Variants in CDH20 observed in about 807,000 individuals in gnomAD.
CDH20 encodes the protein cadherin 20.
CDH20 carries 29 observed loss-of-function variants against 74.2 expected under a neutral mutation model. The ratio of observed to expected loss-of-function variants is 0.39; its 90% CI spans 0.29 to 0.53. The LOEUF is 0.53. Among genes scored for constraint, CDH20 ranks in the 20% least tolerant of loss-of-function variants. The pLI is 0.69. For missense variants in CDH20, 988 were observed against 1,048.3 expected, an observed-to-expected ratio of 0.94 and a Z score of 0.79; for synonymous variants, 469 against 405.4, an observed-to-expected ratio of 1.16 and a Z score of -1.88.
chr18:61,343,881 C>A (rs1207381190), intron 1 of CDH20, among the ~76,000 whole-genome samples: 1 of 152,096 alleles, frequency 6.6e-6, no homozygotes, highest in East Asian at 1.9e-4. Context: ...AAATGATGAG[C>A]TTCCTAATGA....
intron 1 of CDH20, among the ~76,000 whole-genome samples, chr18:61,424,981 GTTCT>G (rs765911779): frequency 1.3e-4 from 20 of 151,176 alleles, no homozygotes; most frequent in Non-Finnish European, 1.6e-4. Flanking sequence ...TACTTGATGG[GTTCT>G]TTATTTTTTT....
Position 61,373,703 on chromosome 18 carries a change from C to G in CDH20, c.-153+39876C>G, listed in dbSNP as rs538557899. ...GGCTACTTTAAAACCTGCCCAAAAC[C>G]ACTCATTTCCAGGAAATCACCACCT... On this transcript the variant is annotated intron_variant, in intron 1 of 11. Transcript: ENST00000262717. Among the ~76,000 whole-genome samples the G allele has an allele frequency of 4.6e-5, 7 of 152,186 alleles. No individual in the cohort carries two copies. In the East Asian group the frequency reaches 1.4e-3, roughly 29 times the overall value.
chr18:61,418,030 TA>T (rs1224586558), intron 1 of CDH20, among the ~76,000 whole-genome samples: 2 of 152,076 alleles, frequency 1.3e-5, no homozygotes, highest in Non-Finnish European at 2.9e-5. Context: ...ATAATCATAA[TA>T]AAAATGACAA....
At position 61,353,136 on chromosome 18, in the gene CDH20, G is replaced by A. The variant is rs1010226102; in HGVS notation, c.-153+19309G>A. Among the ~76,000 whole-genome samples the A allele has an allele frequency of 5.9e-5, 9 of 152,142 alleles. No individual in the cohort carries two copies. The highest frequency in any genetic ancestry group is 1.3e-4 in the Admixed American group (2 of 15,276). On this transcript the variant is annotated intron_variant, in intron 1 of 11. Transcript: ENST00000262717. This position sits in a 1 kb window ranked among gnomAD's most constrained non-coding sequence, Gnocchi z 4.6. The stretch of plus-strand genomic sequence containing the variant: ...CCATGATGTGTGCCCCAACAAAGGC[G>A]CGGGTCTGATACATCAGTTTCTAAC...
chr18:61,467,585 A>T (rs918435395), intron 1 of CDH20, among the ~76,000 whole-genome samples: 6 of 152,216 alleles, frequency 3.9e-5, no homozygotes, highest in African/African-American at 1.2e-4. Flanking sequence ...AATGAAGGAA[A>T]AGATCCAAAC....
Position 61,499,453 on chromosome 18 carries a change from G to T in CDH20, c.514G>T (p.Ala172Ser). 1 of 1,609,450 alleles carries T rather than the reference G, an allele frequency of 6.2e-7. No individual in the cohort carries two copies. The highest frequency in any genetic ancestry group is 8.5e-7 in the Non-Finnish European group (1 of 1,177,468). Residue 172 changes from alanine to serine, a missense_variant, in exon 3 of 12, where the codon GCC (alanine) becomes TCC (serine). Physicochemically the swap from Ala to Ser is moderately conservative, Grantham distance 99. Transcript: ENST00000262717. ...EPKFLDGPYV[A>S]TVPEMSPVGT... ...CAAGTTCCTGGACGGACCTTATGTG[G>T]CCACTGTGCCAGAAATGTCCCCTGT...
intron 1 of CDH20, among the ~76,000 whole-genome samples, chr18:61,428,020 A>G (rs1426569469): frequency 6.6e-6 from 1 of 152,194 alleles, no homozygotes; most frequent in Non-Finnish European, 1.5e-5. Context: ...CCCCTCCACA[A>G]ACTTACACTC....
At chr18:61,456,812 A>T (rs1282678578) in intron 1 of CDH20, among the ~76,000 whole-genome samples, 3 of 152,162 alleles carry the variant, frequency 2.0e-5, no homozygotes, top group African/African-American at 7.2e-5. Context: ...GTGCTGGCAG[A>T]TCTGGTGTCT....
intron 1 of CDH20, among the ~76,000 whole-genome samples, chr18:61,406,048 A>G (rs191692707): frequency 1.3e-5 from 2 of 152,262 alleles, no homozygotes; most frequent in East Asian, 1.9e-4. Context: ...ACACTGGCCA[A>G]TTAGTCAATG....
At chr18:61,544,880 G>C in intron 9 of CDH20, 147 bp from the exon 10 acceptor site, 1 of 645,640 alleles carries the variant, frequency 1.5e-6, no homozygotes, top group Non-Finnish European at 2.8e-6. Context: ...TCTCTACCCA[G>C]CATTTCCCTG....
At chr18:61,552,132 T>C (rs1452064353) in intron 11 of CDH20, among the ~76,000 whole-genome samples, 2 of 151,862 alleles carry the variant, frequency 1.3e-5, no homozygotes, top group Non-Finnish European at 2.9e-5. Context: ...AACAAAATAC[T>C]ATATTTTATA....
rs112465975 is a variant in CDH20 at position 61,490,134 on chromosome 18, G to C, written c.-152-268G>C. 3.5e-4 allele frequency among the ~76,000 whole-genome samples: 53 copies of C among 152,192 alleles called. 1 individual carries two copies. The highest frequency in any genetic ancestry group is 1.2e-3 in the African/African-American group (48 of 41,518). On this transcript the variant is annotated intron_variant, in intron 1 of 11. Coordinates refer to ENST00000262717, the MANE Select transcript of CDH20 (RefSeq NM_031891.4). ...ATCAATAATACAGTATAACCCTCCA[G>C]CTAAGTTACCAATGAGAAGAAATTT...
At chr18:61,346,188 G>C (rs1047667677) in intron 1 of CDH20, among the ~76,000 whole-genome samples, 1 of 152,164 alleles carries the variant, frequency 6.6e-6, no homozygotes, top group Non-Finnish European at 1.5e-5. Flanking sequence ...ACTAAGCCAT[G>C]GTCTTGTTTA....
At chr18:61,479,348 A>T (rs1910506223) in intron 1 of CDH20, among the ~76,000 whole-genome samples, 1 of 152,150 alleles carries the variant, frequency 6.6e-6, no homozygotes, top group African/African-American at 2.4e-5. Flanking sequence ...ATACATTTCT[A>T]AGTCATATGC....
intron 1 of CDH20, among the ~76,000 whole-genome samples, chr18:61,428,216 G>A (rs117544429): frequency 1.8e-3 from 269 of 152,286 alleles, no homozygotes; most frequent in Non-Finnish European, 3.0e-3. Context: ...AGGGTGGGGA[G>A]GTGTCAGGGT....
intron 1 of CDH20, among the ~76,000 whole-genome samples, chr18:61,387,715 G>T (rs1023119666): frequency 3.3e-5 from 5 of 152,152 alleles, no homozygotes; most frequent in Non-Finnish European, 7.3e-5. Context: ...CCAGCCAACT[G>T]CACTGTACAT....
At chr18:61,538,608 G>GTT (rs1449356386) in intron 8 of CDH20, among the ~76,000 whole-genome samples, 598 of 36,258 alleles carry the variant, frequency 0.016, 73 homozygotes, top group Non-Finnish European at 0.022. Flanking sequence ...TTTTGTTTTT[G>GTT]TTTTTGTTTT....
At chr18:61,491,230 A>G (rs1599121488) in intron 2 of CDH20, among the ~76,000 whole-genome samples, 1 of 5,592 alleles carries the variant, frequency 1.8e-4, no homozygotes, top group Non-Finnish European at 3.7e-4. Flanking sequence ...AATTTAATGA[A>G]AAAAATAAAC....
intron 1 of CDH20, among the ~76,000 whole-genome samples, chr18:61,362,731 A>G (rs908460392): frequency 6.6e-6 from 1 of 152,166 alleles, no homozygotes; most frequent in Non-Finnish European, 1.5e-5. Flanking sequence ...ACTATGACTA[A>G]GTACTACATA....
Sources: allele counts gnomAD v4.1 joint callset (sites outside exome capture counted in the v4.1 genomes callset), GRCh38; gene constraint gnomAD v4.1.1; non-coding constraint Gnocchi (gnomAD v3.1); transcripts MANE v1.5; gene names NCBI Gene and HGNC (gene_info 2026-07-23, HGNC 2026-07-21).